The following PLB1 variants were observed in gnomAD, a reference collection of about 807,000 sequenced individuals.
The protein encoded by PLB1 is phospholipase B1, membrane-associated.
PLB1 carries 242 observed loss-of-function variants against 227.4 expected under a neutral mutation model. That is an observed-to-expected ratio of 1.06 (90% CI 0.96 to 1.18). The LOEUF is 1.18. Among genes scored for constraint, PLB1 ranks in the 50% most tolerant of loss-of-function variants. PLB1 has a pLI of 0.00. For synonymous variants in PLB1, 757 were observed against 682.2 expected (o/e 1.11, Z -1.71); for missense variants, 1,858 against 1,816.3 (o/e 1.02, Z -0.42).
rs574299374 is a variant in PLB1, at chr2:28,643,316, C to A, written c.*255C>A. On this transcript the variant is annotated 3_prime_UTR_variant, in exon 58 of 58. Coordinates refer to ENST00000327757, the MANE Select transcript of PLB1 (RefSeq NM_153021.5). Reference sequence around the variant, plus strand: ...CACTCACCTTCCATCTCTTGTGCAGCCCAGGTGTGGGAGCTGCCACTTTTT... The same window carrying A: ...CACTCACCTTCCATCTCTTGTGCAGACCAGGTGTGGGAGCTGCCACTTTTT... 3 of 351,912 alleles carry A rather than the reference C, an allele frequency of 8.5e-6. No homozygotes were observed. Among genetic ancestry groups the A allele is most frequent in the African/African-American group, 6.2e-5 (3 of 48,042 alleles). The allele number at this position is 351,912 out of a possible 1,614,324, so 21.8% of individuals were successfully genotyped here.
At chr2:28,515,493 G>A (rs548687090) in intron 1 of PLB1, among the ~76,000 whole-genome samples, 2 of 152,304 alleles carry the variant, frequency 1.3e-5, no homozygotes, top group East Asian at 3.9e-4. Flanking sequence ...GAATTTCAAA[G>A]GAATCGCTGC....
chr2:28,522,549 A>G (rs563318291), intron 4 of PLB1, among the ~76,000 whole-genome samples: 6 of 152,280 alleles, frequency 3.9e-5, no homozygotes, highest in Non-Finnish European at 8.8e-5. Flanking sequence ...AGGATGTGGG[A>G]CACACTTGCC....
chr2:28,526,961 C>T (rs1049974633), intron 6 of PLB1, among the ~76,000 whole-genome samples: 4 of 152,058 alleles, frequency 2.6e-5, no homozygotes, highest in Non-Finnish European at 4.4e-5. Flanking sequence ...GTGGCCAAAG[C>T]GGTAGGCAGG....
At chr2:28,610,164 T>C (rs1201531044) in intron 43 of PLB1, among the ~76,000 whole-genome samples, 1 of 152,162 alleles carries the variant, frequency 6.6e-6, no homozygotes, top group Non-Finnish European at 1.5e-5. Context: ...GTTACATAAG[T>C]ATACATGTGC....
At chr2:28,569,152 C>T (rs1401305526) in intron 20 of PLB1, among the ~76,000 whole-genome samples, 1 of 152,206 alleles carries the variant, frequency 6.6e-6, no homozygotes, top group Non-Finnish European at 1.5e-5. Context: ...CCCTAAAGTC[C>T]TGGCTGCTAC....
chr2:28,560,695 G>C (rs972770302), intron 17 of PLB1, among the ~76,000 whole-genome samples: 1 of 152,100 alleles, frequency 6.6e-6, no homozygotes, highest in African/African-American at 2.4e-5. Flanking sequence ...ATTGAACCTT[G>C]AAAACATTAT....
rs1417398756 is a variant in PLB1, at chr2:28,594,082, G to T, written c.2321+328G>T. Reference sequence around the variant, plus strand: ...TTCACCTCCCCGCTTGCATGTATACGTGTACACGTGGTGTTCCTACGTCTC... The same window carrying T: ...TTCACCTCCCCGCTTGCATGTATACTTGTACACGTGGTGTTCCTACGTCTC... On this transcript the variant is annotated intron_variant, in intron 33 of 57. Transcript: ENST00000327757. 6 of 623,496 alleles carry T rather than the reference G, an allele frequency of 9.6e-6. No individual in the cohort carries two copies. In the African/African-American group the frequency reaches 1.1e-4, roughly 11 times the overall value. 38.6% of individuals were successfully genotyped at this position (623,496 alleles called of 1,614,324 possible).
At chr2:28,612,287 G>A (rs57670379) in intron 43 of PLB1, among the ~76,000 whole-genome samples, 3,889 of 152,292 alleles carry the variant, frequency 0.026, 170 homozygotes, top group African/African-American at 0.089. Context: ...GGTGGACTCT[G>A]TCCTCCCAGT....
chr2:28,631,158 A>AC (rs1247182945), intron 54 of PLB1, among the ~76,000 whole-genome samples: 1 of 131,354 alleles, frequency 7.6e-6, no homozygotes, highest in East Asian at 1.9e-4. Context: ...ATCTCAAAAA[A>AC]AAAAAAAAGA....
intron 20 of PLB1, among the ~76,000 whole-genome samples, chr2:28,570,871 C>G (rs1430637501): frequency 1.3e-5 from 2 of 152,194 alleles, no homozygotes; most frequent in African/African-American, 4.8e-5. Context: ...TAAGAGCCCA[C>G]AGCTGACACC....
At chr2:28,499,106 G>GA (rs75899429) in intron 1 of PLB1, among the ~76,000 whole-genome samples, 145,606 of 152,176 alleles carry the variant, frequency 0.96, 69,768 homozygotes, top group East Asian at 1. Flanking sequence ...TTTTTATTTT[G>GA]AAATGTTTGT....
intron 52 of PLB1, among the ~76,000 whole-genome samples, 156 bp downstream of exon 52, chr2:28,628,784 G>T (rs1032721809): frequency 6.6e-6 from 1 of 152,186 alleles, no homozygotes; most frequent in Non-Finnish European, 1.5e-5. Flanking sequence ...CTCCTCTGCA[G>T]GGAAAATTCT....
chr2:28,526,520 A>G (rs1670286399), intron 6 of PLB1, among the ~76,000 whole-genome samples: 1 of 152,180 alleles, frequency 6.6e-6, no homozygotes, highest in African/African-American at 2.4e-5. Flanking sequence ...CGAATATACT[A>G]TCATAATTTA....
intron 17 of PLB1, among the ~76,000 whole-genome samples, chr2:28,556,683 A>T (rs975164653): frequency 6.6e-6 from 1 of 152,212 alleles, no homozygotes; most frequent in East Asian, 1.9e-4. Context: ...GACAATGAGG[A>T]GTCACAGGGG....
At chr2:28,501,421 A>AT (rs78452337) in intron 1 of PLB1, among the ~76,000 whole-genome samples, 5 of 151,788 alleles carry the variant, frequency 3.3e-5, no homozygotes, top group East Asian at 1.9e-4. Context: ...AATCACTTGA[A>AT]TTTTTTTTTG....
intron 1 of PLB1, among the ~76,000 whole-genome samples, chr2:28,515,007 G>T (rs912510708): frequency 5.9e-5 from 9 of 152,000 alleles, no homozygotes; most frequent in African/African-American, 9.7e-5. Context: ...TAACCTTTTG[G>T]GGCCTCAGTT....
chr2:28,600,587 T>C (rs1357567754), intron 35 of PLB1, among the ~76,000 whole-genome samples: 1 of 152,204 alleles, frequency 6.6e-6, no homozygotes, highest in East Asian at 1.9e-4. Context: ...TGGCAGTACT[T>C]TGACTACAGC....
chr2:28,582,208 A>T (rs765372148), intron 24 of PLB1, 75 bp downstream of exon 24: 17 of 1,508,518 alleles, frequency 1.1e-5, no homozygotes, highest in Non-Finnish European at 1.5e-5. Flanking sequence ...CATCCTGCTG[A>T]GACCTCCTTG....
intron 53 of PLB1, among the ~76,000 whole-genome samples, chr2:28,629,985 T>A (rs4344889): frequency 1.3e-5 from 2 of 151,960 alleles, no homozygotes; most frequent in Non-Finnish European, 2.9e-5. Context: ...GGTTCCCATT[T>A]TTGCAGGGAA....
Sources: allele counts gnomAD v4.1 joint callset (sites outside exome capture counted in the v4.1 genomes callset), GRCh38; gene constraint gnomAD v4.1.1; transcripts MANE v1.5; gene names NCBI Gene and HGNC (gene_info 2026-07-23, HGNC 2026-07-21).